NSD2: variants seen among roughly 807,000 people sequenced by gnomAD.
NSD2 encodes the protein nuclear receptor binding SET domain protein 2, also known as histone-lysine N-methyltransferase NSD2.
A neutral mutation model predicts 139.0 loss-of-function variants in NSD2; 12 were observed. The ratio of observed to expected loss-of-function variants is 0.09; its 90% CI spans 0.06 to 0.14. NSD2 has a LOEUF of 0.14. Ranked by LOEUF, NSD2 falls within the 10% of genes least tolerant of loss-of-function variation. NSD2 has a pLI of 1.00. For missense variants in NSD2, 1,155 were observed against 1,745.0 expected (o/e 0.66, Z 6.02); for synonymous variants, 669 against 648.7 (o/e 1.03, Z -0.48).
At chr4:1,903,880 G>T (rs1281106907) in intron 2 of NSD2, among the ~76,000 whole-genome samples, 1 of 151,894 alleles carries the variant, frequency 6.6e-6, no homozygotes, top group Non-Finnish European at 1.5e-5. Context: ...GATTACAGGC[G>T]CCTGCCACCA....
intron 5 of NSD2, among the ~76,000 whole-genome samples, chr4:1,925,786 G>A (rs1405591851): frequency 1.3e-5 from 2 of 149,692 alleles, no homozygotes; most frequent in Admixed American, 1.3e-4. Context: ...TTTTTTGTTT[G>A]TTTGTTTGTT....
chr4:1,953,793 CTT>C (rs113712964), intron 12 of NSD2, among the ~76,000 whole-genome samples: 1 of 145,376 alleles, frequency 6.9e-6, no homozygotes, highest in Non-Finnish European at 1.5e-5. Flanking sequence ...TTTACCCTGG[CTT>C]TTTTTTTTTT....
At position 1,942,194 on chromosome 4, in the gene NSD2, C is replaced by T. The variant is rs1402577848; in HGVS notation, c.1881+2416C>T. The T allele has an allele frequency of 3.4e-6, 5 of 1,451,850 alleles. No homozygotes were observed. The highest frequency in any genetic ancestry group is 1.5e-5 in the South Asian group (1 of 67,612). 89.9% of individuals were successfully genotyped at this position (1,451,850 alleles called of 1,614,324 possible). A position where few individuals can be genotyped will look rare whatever the true frequency, so the allele number is the denominator to read the frequency against. ...ATAATTATTACATGGTACTACATCA[C>T]CCTGAGGAAGAGAATAAATTAAAAT... On this transcript the variant is annotated intron_variant, in intron 9 of 21. Transcript: ENST00000508803. This position sits in a 1 kb window ranked among gnomAD's most constrained non-coding sequence, Gnocchi z 4.0.
At chr4:1,872,722 A>T (rs1250532851) in intron 1 of NSD2, among the ~76,000 whole-genome samples, 1 of 152,058 alleles carries the variant, frequency 6.6e-6, no homozygotes, top group Non-Finnish European at 1.5e-5. Flanking sequence ...CACCTGCTTC[A>T]CAGACTTTCA....
intron 1 of NSD2, among the ~76,000 whole-genome samples, chr4:1,897,835 C>T (rs2108734279): frequency 6.6e-6 from 1 of 152,222 alleles, no homozygotes; most frequent in East Asian, 1.9e-4. Context: ...CCATGTTGGC[C>T]AGGCTGGCCT....
chr4:1,919,867 C>T (rs1342390254), intron 5 of NSD2, among the ~76,000 whole-genome samples: 8 of 151,680 alleles, frequency 5.3e-5, no homozygotes, highest in Non-Finnish European at 1.2e-4. Context: ...ACCAGGGAGT[C>T]GGAGGTTGCA....
chr4:1,893,551 T>TG (rs1560572508), intron 1 of NSD2, among the ~76,000 whole-genome samples: 22 of 136,748 alleles, frequency 1.6e-4, no homozygotes, highest in African/African-American at 5.4e-4. Flanking sequence ...TTGTTTTTTT[T>TG]TTTTTTTTGT....
intron 12 of NSD2, among the ~76,000 whole-genome samples, chr4:1,954,294 A>AT (rs1003337388): frequency 4.8e-5 from 7 of 145,332 alleles, no homozygotes; most frequent in African/African-American, 1.5e-4. Flanking sequence ...CAATTTTTGT[A>AT]TTTTTTTGTA....
chr4:1,895,507 A>G (rs191811546), intron 1 of NSD2, among the ~76,000 whole-genome samples: 18 of 152,228 alleles, frequency 1.2e-4, no homozygotes, highest in East Asian at 9.6e-4. Flanking sequence ...CTGGTCTGCT[A>G]TATTCAACTC....
chr4:1,925,748 T>G (rs1268870707), intron 5 of NSD2, among the ~76,000 whole-genome samples: 3 of 151,692 alleles, frequency 2.0e-5, no homozygotes, highest in African/African-American at 7.3e-5. Context: ...AGAAATGTAC[T>G]TCTTTTTATA....
chr4:1,916,241 C>T (rs1719376373), intron 3 of NSD2, among the ~76,000 whole-genome samples: 1 of 152,230 alleles, frequency 6.6e-6, no homozygotes, highest in African/African-American at 2.4e-5. Context: ...GCCTCTCTCA[C>T]TCCTTTCTTG....
At chr4:1,891,139 C>T (rs1047337710) in intron 1 of NSD2, among the ~76,000 whole-genome samples, 2 of 152,198 alleles carry the variant, frequency 1.3e-5, no homozygotes, top group Admixed American at 1.3e-4. Context: ...AGCAATCCTT[C>T]TGCCTTGGCC....
intron 3 of NSD2, among the ~76,000 whole-genome samples, chr4:1,904,676 T>G (rs939446244): frequency 5.3e-5 from 8 of 152,226 alleles, no homozygotes; most frequent in African/African-American, 1.9e-4. Flanking sequence ...TCAGGATGAT[T>G]TGCAGCAAGA....
At chr4:1,925,851 G>C (rs1434429330) in intron 5 of NSD2, among the ~76,000 whole-genome samples, 2 of 151,828 alleles carry the variant, frequency 1.3e-5, no homozygotes, top group African/African-American at 2.4e-5. Flanking sequence ...GCCCAGGCTG[G>C]AGTGCAGTGG....
chr4:1,967,577 C>CAA lies in NSD2; in HGVS notation c.3372+6440_3372+6441dup, dbSNP rs747771794. The stretch of plus-strand genomic sequence containing the variant: ...CAGGCAACAGAGCGAGACTTTGTCT[C>CAA]AAAAAAAAAAAAAAAGATATTTCCA... On this transcript the variant is annotated intron_variant, in intron 18 of 21. Coordinates refer to ENST00000508803, the MANE Select transcript of NSD2 (RefSeq NM_001042424.3). Among the ~76,000 whole-genome samples the CAA allele has an allele frequency of 3.8e-3, 451 of 119,016 alleles. 1 individual carries two copies. The highest frequency in any genetic ancestry group is 0.013 in the African/African-American group (409 of 32,550). 78.1% of individuals were successfully genotyped at this position (119,016 alleles called of 152,430 possible).
chr4:1,930,778 T>C lies in NSD2; in HGVS notation c.1555+8T>C. 1 of 1,611,754 alleles carries C rather than the reference T, an allele frequency of 6.2e-7. No individual in the cohort carries two copies. The highest frequency in any genetic ancestry group is 8.5e-7 in the Non-Finnish European group (1 of 1,178,958). On this transcript the variant is annotated splice_region_variant and intron_variant, in intron 6 of 21. Transcript: ENST00000508803. ...AGGCTGAAGAAGACTCTGGTAAACA[T>C]AGCATTATGCTGATGTCCTCTGCTT...
In NSD2 at chr4:1,942,480, T is replaced by C. The variant is rs1723199122; in HGVS notation, c.1881+2702T>C. The C allele has an allele frequency of 6.5e-7, 1 of 1,540,556 alleles. No individual in the cohort carries two copies. The highest frequency in any genetic ancestry group is 8.8e-7 in the Non-Finnish European group (1 of 1,142,524). On this transcript the variant is annotated intron_variant, in intron 9 of 21. Transcript: ENST00000508803. The surrounding 1 kb of genome is among the most constrained non-coding windows in gnomAD (Gnocchi z 4.0). ...CAGTGACATTTCTATCACAATCATTTTATGGAAGATGTGTGATAATCTGTT... is the reference window on the plus strand; with the variant it reads ...CAGTGACATTTCTATCACAATCATTCTATGGAAGATGTGTGATAATCTGTT...
At chr4:1,952,770 T>G (rs1319387929) in intron 11 of NSD2, 2 of 1,118,872 alleles carry the variant, frequency 1.8e-6, no homozygotes, top group Non-Finnish European at 2.2e-6. Flanking sequence ...CGGCACAGTC[T>G]GGGGTCTGTG....
rs528435202 is a variant in NSD2, at chr4:1,943,335, A to G, written c.1881+3557A>G. 125 of 1,043,498 alleles carry G rather than the reference A, an allele frequency of 1.2e-4. 2 individuals carry two copies. The South Asian group carries it at 5.2e-3, about 44-fold the overall frequency. The allele number at this position is 1,043,498 out of a possible 1,614,324, so 64.6% of individuals were successfully genotyped here. A position where few individuals can be genotyped will look rare whatever the true frequency, so the allele number is the denominator to read the frequency against. On this transcript the variant is annotated intron_variant, in intron 9 of 21. Transcript: ENST00000508803. ...ACTAATATTTTGTTGTAAACCATTA[A>G]GTAATGTAACGCATGTAAGATGCTT...
Sources: allele counts gnomAD v4.1 joint callset (sites outside exome capture counted in the v4.1 genomes callset), GRCh38; gene constraint gnomAD v4.1.1; non-coding constraint Gnocchi (gnomAD v3.1); transcripts MANE v1.5; gene names NCBI Gene and HGNC (gene_info 2026-07-23, HGNC 2026-07-21).